PHKB: variants seen among roughly 807,000 people sequenced by gnomAD.
PHKB encodes phosphorylase kinase regulatory subunit beta.
Under a neutral mutation model 152.1 loss-of-function variants are expected in PHKB, and 122 were observed. That is an observed-to-expected ratio of 0.80 (90% CI 0.69 to 0.93). PHKB has a LOEUF of 0.93. Ranked by LOEUF, PHKB falls within the 40% of genes least tolerant of loss-of-function variation. The pLI is 0.00. For synonymous variants in PHKB, 436 were observed against 464.9 expected, an observed-to-expected ratio of 0.94 and a Z score of 0.80; for missense variants, 1,304 against 1,328.4, an observed-to-expected ratio of 0.98 and a Z score of 0.29.
At position 47,596,396 on chromosome 16, in the gene PHKB, T is replaced by C. The variant is rs2151701605; in HGVS notation, c.1228T>C (p.Tyr410His). The C allele has an allele frequency of 6.2e-7, 1 of 1,608,666 alleles. No homozygotes were observed. Among genetic ancestry groups the C allele is most frequent in the Non-Finnish European group, 8.5e-7 (1 of 1,175,080 alleles). Residue 410 changes from tyrosine to histidine, a missense_variant, in exon 13 of 31, where the codon TAT (tyrosine) becomes CAT (histidine). Transcript: ENST00000323584. ...AGGATATCCTGTTGTACCAAAGTAC[T>C]ATTATGTGCCAGCTGACTTTGTAGA... ...TEGYPVVPKYYYVPADFVEYE... is the reference protein window; with the variant it reads ...TEGYPVVPKYHYVPADFVEYE...
intron 6 of PHKB, among the ~76,000 whole-genome samples, chr16:47,538,288 C>T (rs144402640): frequency 2.0e-5 from 3 of 152,288 alleles, no homozygotes; most frequent in African/African-American, 7.2e-5. Context: ...AAATAGCTAA[C>T]ATCATGAAAG....
chr16:47,512,268 C>T (rs932985375), intron 5 of PHKB, among the ~76,000 whole-genome samples: 1 of 152,196 alleles, frequency 6.6e-6, no homozygotes, highest in Admixed American at 6.5e-5. Context: ...AGTGAAATGG[C>T]AGCCACCAGG....
At chr16:47,606,458 G>A (rs57270947) in intron 13 of PHKB, among the ~76,000 whole-genome samples, 10 of 152,144 alleles carry the variant, frequency 6.6e-5, no homozygotes, top group Non-Finnish European at 1.3e-4. Flanking sequence ...GATCAGTGTA[G>A]AGCCAAAGAT....
chr16:47,526,110 A>T (rs953549477), intron 6 of PHKB, among the ~76,000 whole-genome samples: 3 of 150,700 alleles, frequency 2.0e-5, no homozygotes, highest in African/African-American at 7.5e-5. Flanking sequence ...AAATTGGGTT[A>T]AAAAAAATGA....
chr16:47,465,439 A>T (rs1969651122), intron 1 of PHKB, among the ~76,000 whole-genome samples: 1 of 152,258 alleles, frequency 6.6e-6, no homozygotes, highest in South Asian at 2.1e-4. Flanking sequence ...GAGTGTTTGA[A>T]GGTATATACA....
intron 22 of PHKB, 33 bp from the exon 23 acceptor site, chr16:47,661,686 A>T (rs761029438): frequency 5.4e-6 from 8 of 1,471,864 alleles, no homozygotes; most frequent in Non-Finnish European, 7.6e-6. Context: ...TACCCATTTC[A>T]TTCCAGTTCC....
chr16:47,508,823 A>G (rs1970462055), intron 4 of PHKB, among the ~76,000 whole-genome samples: 1 of 152,204 alleles, frequency 6.6e-6, no homozygotes, highest in Non-Finnish European at 1.5e-5. Context: ...TGTAATTGAC[A>G]TACAGCATGC....
intron 13 of PHKB, among the ~76,000 whole-genome samples, chr16:47,599,848 A>C (rs138842162): frequency 1.3e-5 from 2 of 152,346 alleles, no homozygotes; most frequent in East Asian, 3.9e-4. Context: ...AAGACAAATA[A>C]CATCTCAGAA....
intron 27 of PHKB, among the ~76,000 whole-genome samples, chr16:47,691,164 G>A (rs1974053123): frequency 6.6e-6 from 1 of 152,078 alleles, no homozygotes; most frequent in Non-Finnish European, 1.5e-5. Context: ...CCAAATTGAG[G>A]TACATCTTAC....
intron 29 of PHKB, among the ~76,000 whole-genome samples, chr16:47,697,084 A>T (rs995273992): frequency 6.6e-6 from 1 of 152,242 alleles, no homozygotes; most frequent in African/African-American, 2.4e-5. Flanking sequence ...GTCATGTTAA[A>T]CATCACCCCA....
At chr16:47,688,952 G>T in intron 26 of PHKB, 89 bp from the exon 27 acceptor site, 4 of 1,357,726 alleles carry the variant, frequency 2.9e-6, no homozygotes, top group Non-Finnish European at 4.2e-6. Context: ...CTTTGAATGG[G>T]TCAGTGCTAT....
intron 1 of PHKB, among the ~76,000 whole-genome samples, chr16:47,487,950 A>G (rs927404712): frequency 2.6e-5 from 4 of 152,198 alleles, no homozygotes; most frequent in Admixed American, 2.0e-4. Flanking sequence ...CTTTGAGTAT[A>G]TACTCAGTGA....
intron 6 of PHKB, among the ~76,000 whole-genome samples, chr16:47,543,527 A>C (rs1334490817): frequency 2.0e-5 from 3 of 152,092 alleles, no homozygotes; most frequent in African/African-American, 7.2e-5. Flanking sequence ...AATGAGTTAG[A>C]GAGGATTCCC....
chr16:47,684,759 A>G (rs965519224), intron 26 of PHKB, among the ~76,000 whole-genome samples: 2 of 151,798 alleles, frequency 1.3e-5, no homozygotes, highest in African/African-American at 4.8e-5. Flanking sequence ...TGGGCGACTG[A>G]GCAAGACTCC....
chr16:47,638,599 T>C (rs1374131810), intron 14 of PHKB, among the ~76,000 whole-genome samples: 1 of 152,216 alleles, frequency 6.6e-6, no homozygotes, highest in Non-Finnish European at 1.5e-5. Flanking sequence ...TTTTTTTAAA[T>C]GAGGTAGATC....
chr16:47,582,581 T>C (rs1971865938), intron 8 of PHKB, among the ~76,000 whole-genome samples: 1 of 152,126 alleles, frequency 6.6e-6, no homozygotes, highest in Non-Finnish European at 1.5e-5. Flanking sequence ...CTGATTTAAT[T>C]GGTGTAGGGG....
chr16:47,585,243 CA>C (rs1444036777), intron 8 of PHKB, among the ~76,000 whole-genome samples: 2 of 152,068 alleles, frequency 1.3e-5, no homozygotes, highest in Non-Finnish European at 2.9e-5. Flanking sequence ...ATAAAATATC[CA>C]AAGTTAATCT....
intron 8 of PHKB, among the ~76,000 whole-genome samples, chr16:47,583,810 T>C (rs369572136): frequency 6.6e-6 from 1 of 152,232 alleles, no homozygotes; most frequent in East Asian, 1.9e-4. Context: ...TTGGGAGCTG[T>C]GCATTTTCTT....
At chr16:47,526,494 C>T (rs1329325937) in intron 6 of PHKB, among the ~76,000 whole-genome samples, 1 of 151,920 alleles carries the variant, frequency 6.6e-6, no homozygotes, top group Non-Finnish European at 1.5e-5. Flanking sequence ...AGTTTCAATC[C>T]TGTAATCATA....
Sources: allele counts gnomAD v4.1 joint callset (sites outside exome capture counted in the v4.1 genomes callset), GRCh38; gene constraint gnomAD v4.1.1; transcripts MANE v1.5; gene names NCBI Gene and HGNC (gene_info 2026-07-23, HGNC 2026-07-21).